ZFYVE16: variants seen among roughly 807,000 people sequenced by gnomAD.
The protein encoded by ZFYVE16 is zinc finger FYVE domain-containing protein 16.
In ZFYVE16, 89 loss-of-function variants were observed where a neutral mutation model predicts 138.1. The ratio of observed to expected loss-of-function variants is 0.64; its 90% CI spans 0.54 to 0.77. ZFYVE16 has a LOEUF of 0.77. ZFYVE16 is among the 30% of genes least tolerant of loss of function. The probability of loss-of-function intolerance (pLI) is 0.00; values close to 1 mark genes in which losing one functional copy is unlikely to be tolerated. For missense variants in ZFYVE16, 1,793 were observed against 1,786.7 expected, an observed-to-expected ratio of 1.00 and a Z score of -0.06; for synonymous variants, 596 against 618.3, an observed-to-expected ratio of 0.96 and a Z score of 0.53.
rs189002541 is a variant in ZFYVE16, at chr5:80,431,065, G to A, written c.-39-3044G>A. Reference sequence around the variant, plus strand: ...ACTATTCCAATCAATAGAAAAAGAGGGAATCCTCCCTAACTCATTTTATGA... The same window carrying A: ...ACTATTCCAATCAATAGAAAAAGAGAGAATCCTCCCTAACTCATTTTATGA... On this transcript the variant is annotated intron_variant, in intron 2 of 18. Transcript: ENST00000505560. Among the ~76,000 whole-genome samples, 711 of 152,164 alleles carry A rather than the reference G, an allele frequency of 4.7e-3. 8 individuals carry two copies. The highest frequency in any genetic ancestry group is 0.016 in the African/African-American group (674 of 41,512).
intron 2 of ZFYVE16, among the ~76,000 whole-genome samples, chr5:80,429,302 T>C (rs1265763366): frequency 6.6e-6 from 1 of 152,218 alleles, no homozygotes; most frequent in Non-Finnish European, 1.5e-5. Context: ...ATATCAACAT[T>C]CTTAAAGAAA....
rs759828739 is a variant in ZFYVE16, at chr5:80,472,893, G to T, written c.4157G>T (p.Trp1386Leu). 7 of 1,606,370 alleles carry T rather than the reference G, an allele frequency of 4.4e-6. No individual in the cohort carries two copies. Among genetic ancestry groups the T allele is most frequent in the Non-Finnish European group, 5.9e-6 (7 of 1,177,050 alleles). The change falls in exon 16 of 19, where the codon TGG (tryptophan) becomes TTG (leucine). Residue 1386 changes from tryptophan (W) to leucine (L), a missense_variant. By Grantham distance (61) the Trp-to-Leu change is moderately conservative (BLOSUM62 -2). Coordinates refer to ENST00000505560, the MANE Select transcript of ZFYVE16 (RefSeq NM_001284236.3). ...CTGAGAGAATACGTGGATATCTGCT[G>T]GGTAGATGCTGAAGAAAAAGGAAAC... ...VDLREYVDIC[W>L]VDAEEKGNKG...
rs1305959494 is a variant in ZFYVE16, at chr5:80,437,811, T to C, written c.1126T>C (p.Ser376Pro). ...CAGTAAAGATGTGCCGTCCTCATTG[T>C]CCTGTCTTCCTGCGTCTGGGTCTAT... ...VSSKDVPSSL[S>P]CLPASGSMCG... The change falls in exon 4 of 19, where the codon TCC becomes CCC. Residue 376 changes from serine to proline, a missense_variant. This residue lies in a region of ZFYVE16 where 1,295 missense variants were observed against 1,204.3 expected (regional missense o/e 1.08). Transcript: ENST00000505560. The C allele has an allele frequency of 6.2e-7, 1 of 1,614,096 alleles. No homozygotes were observed. Among genetic ancestry groups the C allele is most frequent in the Admixed American group, 1.7e-5 (1 of 60,018 alleles).
chr5:80,415,351 A>G (rs1263086667), intron 1 of ZFYVE16, among the ~76,000 whole-genome samples: 1 of 152,250 alleles, frequency 6.6e-6, no homozygotes, highest in Non-Finnish European at 1.5e-5. Context: ...TTTATTAACT[A>G]AAGGCTATAC....
intron 3 of ZFYVE16, among the ~76,000 whole-genome samples, chr5:80,436,122 T>G (rs1203087948): frequency 6.6e-6 from 1 of 152,186 alleles, no homozygotes; most frequent in Non-Finnish European, 1.5e-5. Context: ...AGCTCCAGAT[T>G]CACACTGACA....
intron 5 of ZFYVE16, chr5:80,440,271 A>G: frequency 8.8e-7 from 1 of 1,142,292 alleles, no homozygotes; most frequent in Non-Finnish European, 1.1e-6. Context: ...TTAACTTTTA[A>G]CAGGTACCAA....
intron 1 of ZFYVE16, among the ~76,000 whole-genome samples, chr5:80,419,085 C>CT (rs1370550366): frequency 1.5e-3 from 203 of 136,272 alleles, no homozygotes; most frequent in Middle Eastern, 3.9e-3. Context: ...TTTGGGGGGT[C>CT]TTTTTTTTTT....
Position 80,479,428 on chromosome 5 carries a change from T to A in ZFYVE16, c.*2051T>A, listed in dbSNP as rs1346615790. On this transcript the variant is annotated 3_prime_UTR_variant, in exon 19 of 19. Transcript: ENST00000505560. ...CTTTACCAGGTTTCTAAGCAAAAAT[T>A]TCTAAAAATGATTAATTGTTCTGAC... The A allele has an allele frequency of 6.6e-6, 1 of 152,156 alleles. No homozygotes were observed. The highest frequency in any genetic ancestry group is 1.5e-5 in the Non-Finnish European group (1 of 68,020). The allele number at this position is 152,156 out of a possible 1,614,324, so 9.4% of individuals were successfully genotyped here. A position where few individuals can be genotyped will look rare whatever the true frequency, so the allele number is the denominator to read the frequency against.
In ZFYVE16 at chr5:80,445,290, T is replaced by C; in HGVS notation, c.2609T>C (p.Val870Ala). The C allele has an allele frequency of 2.5e-6, 4 of 1,613,626 alleles. No homozygotes were observed. Among genetic ancestry groups the C allele is most frequent in the Non-Finnish European group, 3.4e-6 (4 of 1,179,868 alleles). The change falls in exon 7 of 19, where the codon GTA becomes GCA. Residue 870 changes from valine (V) to alanine (A), a missense_variant. Physicochemically the swap from Val to Ala is moderately conservative, Grantham distance 64. This residue lies in a region of ZFYVE16 where 1,295 missense variants were observed against 1,204.3 expected (regional missense o/e 1.08). Coordinates refer to ENST00000505560, the MANE Select transcript of ZFYVE16 (RefSeq NM_001284236.3). ...CTATGTTCCAAAGAACAGAAGAGAGTATGGTTTGCAGATGGTATATTGCCC... is the reference window on the plus strand; with the variant it reads ...CTATGTTCCAAAGAACAGAAGAGAGCATGGTTTGCAGATGGTATATTGCCC... ...EGLCSKEQKRVWFADGILPNG... is the reference protein window; with the variant it reads ...EGLCSKEQKRAWFADGILPNG...
chr5:80,476,558 C>A (rs1754930870), intron 18 of ZFYVE16, among the ~76,000 whole-genome samples: 1 of 152,202 alleles, frequency 6.6e-6, no homozygotes, highest in African/African-American at 2.4e-5. Context: ...AGTTCTCTTT[C>A]TGACATCCAG....
At chr5:80,415,606 G>C (rs1473112875) in intron 1 of ZFYVE16, among the ~76,000 whole-genome samples, 1 of 152,094 alleles carries the variant, frequency 6.6e-6, no homozygotes, top group East Asian at 1.9e-4. Flanking sequence ...ATGTGTTTCG[G>C]AGAGAAAGAC....
intron 1 of ZFYVE16, among the ~76,000 whole-genome samples, chr5:80,416,672 C>G (rs1321507399): frequency 6.6e-6 from 1 of 151,810 alleles, no homozygotes; most frequent in Non-Finnish European, 1.5e-5. Flanking sequence ...TGACATACTC[C>G]CATTGTTGTA....
chr5:80,441,290 A>G (rs1750683260), intron 5 of ZFYVE16: 1 of 985,302 alleles, frequency 1.0e-6, no homozygotes, highest in African/African-American at 1.7e-5. Context: ...TTTTGACTCT[A>G]AGGGTCCAGG....
In ZFYVE16 at chr5:80,481,674, C is replaced by T. The variant is rs1340058996; in HGVS notation, c.*4297C>T. On this transcript the variant is annotated 3_prime_UTR_variant, in exon 19 of 19. Coordinates refer to ENST00000505560, the MANE Select transcript of ZFYVE16 (RefSeq NM_001284236.3). ...ACAGGATAGAGAATATCATAATATT[C>T]CAAATATATCCCAGAAACAACCCAA... 6.6e-6 allele frequency among the ~76,000 whole-genome samples: 1 copy of T among 152,058 alleles called. No individual in the cohort carries two copies. Among genetic ancestry groups the T allele is most frequent in the Non-Finnish European group, 1.5e-5 (1 of 68,006 alleles).
intron 15 of ZFYVE16, among the ~76,000 whole-genome samples, chr5:80,460,450 T>C (rs367598056): frequency 7.2e-5 from 11 of 152,302 alleles, no homozygotes; most frequent in Middle Eastern, 3.4e-3. Context: ...ATGACTCTTA[T>C]GGCTAATGTT....
chr5:80,411,209 C>G (rs991192474), intron 1 of ZFYVE16, among the ~76,000 whole-genome samples: 3 of 139,916 alleles, frequency 2.1e-5, no homozygotes, highest in Non-Finnish European at 4.5e-5. Context: ...ATCTCGATCT[C>G]TTGACCTTGT....
At chr5:80,466,611 C>A (rs751792644) in intron 15 of ZFYVE16, among the ~76,000 whole-genome samples, 1 of 152,090 alleles carries the variant, frequency 6.6e-6, no homozygotes, top group Non-Finnish European at 1.5e-5. Context: ...AGGGACAGTC[C>A]CTGTTACTTG....
chr5:80,429,702 A>G (rs1476194561), intron 2 of ZFYVE16, among the ~76,000 whole-genome samples: 1 of 152,208 alleles, frequency 6.6e-6, no homozygotes, highest in Non-Finnish European at 1.5e-5. Context: ...ATATTCAGGA[A>G]ACCCATCTCA....
At chr5:80,434,513 G>C (rs543444114) in intron 3 of ZFYVE16, among the ~76,000 whole-genome samples, 1 of 151,952 alleles carries the variant, frequency 6.6e-6, no homozygotes, top group African/African-American at 2.4e-5. Flanking sequence ...GTCTCATTCT[G>C]TCTCCCAGGC....
Sources: gnomAD v4.1 joint callset for allele counts (sites outside exome capture counted in the v4.1 genomes callset) on GRCh38, gnomAD v4.1.1 for gene constraint, gnomAD v4.1.1 regional missense constraint, MANE v1.5 for transcripts, NCBI Gene and HGNC (gene_info 2026-07-23, HGNC 2026-07-21) for gene names.